The following DPYD variants were observed in gnomAD, a reference collection of about 807,000 sequenced individuals.
DPYD encodes dihydropyrimidine dehydrogenase [NADP(+)].
Under a neutral mutation model 116.2 loss-of-function variants are expected in DPYD, and 109 were observed. The observed-to-expected ratio is 0.94, with a 90% CI of 0.80 to 1.10. DPYD has a LOEUF of 1.10. DPYD is among the 50% of genes least tolerant of loss of function. The pLI is 0.00. For synonymous variants in DPYD, 440 were observed against 432.0 expected (o/e 1.02, Z -0.23); for missense variants, 1,302 against 1,254.5 (o/e 1.04, Z -0.57).
At chr1:97,148,400 G>A (rs1356122091) in intron 20 of DPYD, among the ~76,000 whole-genome samples, 1 of 152,076 alleles carries the variant, frequency 6.6e-6, no homozygotes, top group African/African-American at 2.4e-5. Context: ...CAGATGTCTT[G>A]TGCAGCAACC....
chr1:97,135,170 G>A (rs1426447633), intron 20 of DPYD, among the ~76,000 whole-genome samples: 2 of 152,118 alleles, frequency 1.3e-5, no homozygotes, highest in Admixed American at 6.5e-5. Flanking sequence ...AGTTGATTTA[G>A]CTAATCCTTA....
At chr1:97,217,784 G>T (rs1248401738) in intron 19 of DPYD, among the ~76,000 whole-genome samples, 1 of 152,168 alleles carries the variant, frequency 6.6e-6, no homozygotes, top group Non-Finnish European at 1.5e-5. Context: ...CCAGAGTGCT[G>T]ATGGCTCCCT....
At chr1:97,379,895 T>C (rs893562655) in intron 15 of DPYD, among the ~76,000 whole-genome samples, 1 of 152,212 alleles carries the variant, frequency 6.6e-6, no homozygotes, top group Non-Finnish European at 1.5e-5. Flanking sequence ...TGATGTGCTA[T>C]TCCCTGTCCC....
At chr1:97,311,670 G>A (rs976643599) in intron 16 of DPYD, among the ~76,000 whole-genome samples, 1 of 151,650 alleles carries the variant, frequency 6.6e-6, no homozygotes, top group African/African-American at 2.4e-5. Context: ...AGCACTGTTT[G>A]AAATAGCCCC....
At chr1:97,591,378 G>C (rs1027725408) in intron 10 of DPYD, among the ~76,000 whole-genome samples, 1 of 152,156 alleles carries the variant, frequency 6.6e-6, no homozygotes, top group African/African-American at 2.4e-5. Flanking sequence ...AATTCCATGA[G>C]GGCATGAAAT....
At chr1:97,813,065 A>T (rs1452179766) in intron 3 of DPYD, among the ~76,000 whole-genome samples, 1 of 152,160 alleles carries the variant, frequency 6.6e-6, no homozygotes, top group Non-Finnish European at 1.5e-5. Flanking sequence ...TACAAGGAAC[A>T]ACTTTCAGAC....
intron 19 of DPYD, among the ~76,000 whole-genome samples, chr1:97,195,946 G>T (rs568663258): frequency 6.6e-6 from 1 of 151,720 alleles, no homozygotes; most frequent in Non-Finnish European, 1.5e-5. Context: ...GGAGAGATCT[G>T]CAATGGAGTA....
At chr1:97,152,435 CACAT>C (rs905890912) in intron 20 of DPYD, among the ~76,000 whole-genome samples, 1 of 121,332 alleles carries the variant, frequency 8.2e-6, no homozygotes, top group Admixed American at 8.4e-5. Flanking sequence ...ATGGCTGAAT[CACAT>C]ACACACACAC....
intron 2 of DPYD, among the ~76,000 whole-genome samples, chr1:97,838,750 CAGG>C (rs1042416827): frequency 3.3e-5 from 5 of 152,048 alleles, no homozygotes; most frequent in African/African-American, 1.2e-4. Flanking sequence ...GAGGCTGAGG[CAGG>C]AGAATGGCGT....
intron 20 of DPYD, among the ~76,000 whole-genome samples, chr1:97,130,875 CTTCCTTCCTTCT>C: frequency 3.6e-5 from 5 of 139,816 alleles, no homozygotes; most frequent in South Asian, 2.4e-4. Flanking sequence ...TCCTTCCTTC[CTTCCTTCCTTCT>C]TTCCTCCCTC....
intron 16 of DPYD, among the ~76,000 whole-genome samples, chr1:97,314,485 G>A (rs1221481435): frequency 8.4e-6 from 1 of 118,896 alleles, no homozygotes; most frequent in South Asian, 2.6e-4. Flanking sequence ...AGTCGCTAAA[G>A]CTTTCTTTTT....
chr1:97,677,335 CAT>C (rs1441507819), intron 8 of DPYD, among the ~76,000 whole-genome samples: 3 of 152,132 alleles, frequency 2.0e-5, no homozygotes, highest in African/African-American at 4.8e-5. Flanking sequence ...TAATGGAAAA[CAT>C]ATCTTTTAGT....
At chr1:97,104,556 C>T (rs1294659155) in intron 20 of DPYD, among the ~76,000 whole-genome samples, 1 of 151,996 alleles carries the variant, frequency 6.6e-6, no homozygotes, top group Non-Finnish European at 1.5e-5. Context: ...CTAACGCAGG[C>T]TGAGGGGTCA....
intron 21 of DPYD, among the ~76,000 whole-genome samples, chr1:97,093,784 T>C (rs1650046816): frequency 6.6e-6 from 1 of 152,168 alleles, no homozygotes; most frequent in South Asian, 2.1e-4. Context: ...ATTTTTATGG[T>C]CACTTTCTTT....
rs1283854855 is a variant in DPYD, at chr1:97,586,491, T to C, written c.1128+6727A>G. On this transcript the variant is annotated intron_variant, in intron 10 of 22. Transcript: ENST00000370192. ...ATATATATATATATATATATATATA[T>C]ATATATATATATATATATATATATA... 2.0e-4 allele frequency among the ~76,000 whole-genome samples: 23 copies of C among 117,414 alleles called. 4 individuals carry two copies. The highest frequency in any genetic ancestry group is 1.2e-3 in the Admixed American group (14 of 11,924). 77.0% of individuals were successfully genotyped at this position (117,414 alleles called of 152,430 possible).
At chr1:97,383,723 G>C (rs981304345) in intron 14 of DPYD, among the ~76,000 whole-genome samples, 1 of 152,136 alleles carries the variant, frequency 6.6e-6, no homozygotes, top group Admixed American at 6.5e-5. Context: ...GACTGAGCAA[G>C]AGTCTGTGCT....
At chr1:97,378,686 G>C (rs1020271417) in intron 15 of DPYD, among the ~76,000 whole-genome samples, 4 of 152,178 alleles carry the variant, frequency 2.6e-5, no homozygotes, top group Non-Finnish European at 4.4e-5. Flanking sequence ...TACTCGAACT[G>C]TATACTTCTT....
At chr1:97,127,480 T>C (rs966899817) in intron 20 of DPYD, among the ~76,000 whole-genome samples, 1 of 152,174 alleles carries the variant, frequency 6.6e-6, no homozygotes, top group Non-Finnish European at 1.5e-5. Flanking sequence ...CTCCTTTTTC[T>C]ATGAAGCTAC....
intron 18 of DPYD, among the ~76,000 whole-genome samples, chr1:97,278,675 A>C (rs1025699855): frequency 1.3e-5 from 2 of 152,220 alleles, no homozygotes; most frequent in African/African-American, 4.8e-5. Flanking sequence ...TCTGATGTGT[A>C]CAGTTGAAAA....
Sources: allele counts gnomAD v4.1 joint callset (sites outside exome capture counted in the v4.1 genomes callset), GRCh38; gene constraint gnomAD v4.1.1; transcripts MANE v1.5; gene names NCBI Gene and HGNC (gene_info 2026-07-23, HGNC 2026-07-21).